Variants in SKIC8 observed in about 807,000 individuals in gnomAD.
SKIC8 encodes the protein superkiller complex protein 8.
chr15:78,290,865 G>A, the SKIC8 span: 2 of 151,356 alleles, frequency 1.3e-5, no homozygotes, highest in Non-Finnish European at 2.9e-5. Context: ...GCTGGAGTAC[G>A]GTGGCATAAT....
At chr15:78,295,363 C>T in the SKIC8 span, 3 of 576,158 alleles carry the variant, frequency 5.2e-6, no homozygotes, top group Non-Finnish European at 9.3e-6. Flanking sequence ...AATCTTATTA[C>T]AAAGATATGT....
the SKIC8 span, chr15:78,290,041 A>G: frequency 2.9e-5 from 47 of 1,614,184 alleles, no homozygotes; most frequent in Non-Finnish European, 3.9e-5. Context: ...CTTTCCCGAC[A>G]TGAGTTCCTG....
the SKIC8 span, chr15:78,295,072 C>T: frequency 7.1e-7 from 1 of 1,413,184 alleles, no homozygotes; most frequent in East Asian, 2.3e-5. Flanking sequence ...AGAGTCACCA[C>T]AGTGTTAGTT....
chr15:78,283,717 C>A, the SKIC8 span: 2 of 474,340 alleles, frequency 4.2e-6, no homozygotes, highest in Non-Finnish European at 7.3e-6. Context: ...AATTCCTGCC[C>A]CTTCCCATAC....
At chr15:78,296,065 CA>C in the SKIC8 span, 3 of 176,408 alleles carry the variant, frequency 1.7e-5, no homozygotes, top group African/African-American at 7.1e-5. Flanking sequence ...TTATTAAAAA[CA>C]AACAAACAAA....
At chr15:78,286,271 A>G in the SKIC8 span, 1 of 662,408 alleles carries the variant, frequency 1.5e-6, no homozygotes, top group Non-Finnish European at 2.5e-6. Context: ...ATACTATATC[A>G]AAAATTCCTC....
chr15:78,294,573 T>A, the SKIC8 span: 5 of 220,478 alleles, frequency 2.3e-5, no homozygotes, highest in African/African-American at 1.2e-4. Context: ...AGTTCTGAGT[T>A]CAGAAAAAGG....
chr15:78,294,809 T>C, the SKIC8 span: 1 of 857,060 alleles, frequency 1.2e-6, no homozygotes, highest in Admixed American at 2.4e-5. Context: ...TTAAGAGTAT[T>C]TGTTTTCAGC....
the SKIC8 span, among the ~76,000 whole-genome samples, chr15:78,287,134 G>A: frequency 1.3e-5 from 2 of 152,188 alleles, no homozygotes; most frequent in Admixed American, 6.5e-5. Flanking sequence ...GGTTTCTCAT[G>A]TGCAAAATGG....
At chr15:78,295,080 GT>G in the SKIC8 span, 1 of 1,336,600 alleles carries the variant, frequency 7.5e-7, no homozygotes, top group Non-Finnish European at 1.1e-6. Context: ...CACAGTGTTA[GT>G]TACTTCCTCT....
chr15:78,283,387 A>T, the SKIC8 span: 1 of 1,488,446 alleles, frequency 6.7e-7, no homozygotes, highest in Non-Finnish European at 9.3e-7. Flanking sequence ...TGTCATGATC[A>T]ATCCGTACAT....
At chr15:78,283,370 TA>T in the SKIC8 span, 2 of 1,351,294 alleles carry the variant, frequency 1.5e-6, no homozygotes, top group East Asian at 2.3e-5. Context: ...CCTAAGAAGG[TA>T]AGGAATGTCA....
chr15:78,286,244 C>T, the SKIC8 span: 1 of 863,358 alleles, frequency 1.2e-6, no homozygotes, highest in Non-Finnish European at 1.8e-6. Context: ...AATCTGCTAT[C>T]CTTATAATGA....
At chr15:78,298,223 A>G in the SKIC8 span, among the ~76,000 whole-genome samples, 2 of 152,204 alleles carry the variant, frequency 1.3e-5, no homozygotes, top group Admixed American at 6.5e-5. Context: ...CACATTTGGC[A>G]ATGGATAGAA....
the SKIC8 span, chr15:78,294,397 G>A: frequency 6.4e-6 from 1 of 155,780 alleles, no homozygotes; most frequent in East Asian, 1.9e-4. Context: ...ACAAAGCTCT[G>A]TACCACTGGT....
the SKIC8 span, chr15:78,295,111 C>T: frequency 9.4e-6 from 9 of 960,464 alleles, no homozygotes; most frequent in East Asian, 7.4e-5. Flanking sequence ...CTGGCCATCC[C>T]GCAAGCTCCT....
chr15:78,288,783 AC>A, the SKIC8 span: 1 of 345,642 alleles, frequency 2.9e-6, no homozygotes, highest in African/African-American at 2.1e-5. Context: ...TAATAAATTC[AC>A]TTGATTAGAA....
At chr15:78,285,851 G>A in the SKIC8 span, 1 of 503,842 alleles carries the variant, frequency 2.0e-6, no homozygotes, top group Non-Finnish European at 3.6e-6. Context: ...CTGTTTAAAA[G>A]GATTACTTGT....
the SKIC8 span, chr15:78,285,852 G>T: frequency 2.0e-6 from 1 of 504,574 alleles, no homozygotes. Flanking sequence ...TGTTTAAAAG[G>T]ATTACTTGTT....
Sources: gnomAD v4.1 joint callset for allele counts (sites outside exome capture counted in the v4.1 genomes callset) on GRCh38, gnomAD v4.1.1 for gene constraint, MANE v1.5 for transcripts, NCBI Gene and HGNC (gene_info 2026-07-23, HGNC 2026-07-21) for gene names.